INTS8: variants seen among roughly 807,000 people sequenced by gnomAD.
INTS8 encodes protein kaonashi-1.
In INTS8, 47 loss-of-function variants were observed where a neutral mutation model predicts 138.9. The observed-to-expected ratio is 0.34, with a 90% confidence interval of 0.27 to 0.43. The LOEUF is 0.43. Ranked by LOEUF, INTS8 falls within the 20% of genes least tolerant of loss-of-function variation. INTS8 has a pLI of 1.00. For synonymous variants in INTS8, 392 were observed against 400.9 expected, an observed-to-expected ratio of 0.98 and a Z score of 0.27; for missense variants, 996 against 1,173.0, an observed-to-expected ratio of 0.85 and a Z score of 2.20.
chr8:94,855,469 A>T (rs1014486227), intron 14 of INTS8, among the ~76,000 whole-genome samples: 5 of 152,238 alleles, frequency 3.3e-5, no homozygotes, highest in Non-Finnish European at 7.3e-5. Context: ...TAGACAATGC[A>T]TCATGAGACA....
chr8:94,852,789 T>C (rs1815596622), intron 13 of INTS8, among the ~76,000 whole-genome samples: 1 of 151,958 alleles, frequency 6.6e-6, no homozygotes, highest in African/African-American at 2.4e-5. Flanking sequence ...GGTTTCTCCA[T>C]GTTGTTCTCC....
chr8:94,865,750 A>C lies in INTS8; in HGVS notation c.2261+60A>C, dbSNP rs745886809. ...AGTTCTTAATATTTATCCTATTTATACTATTAACCTATTAAAGGTTGATTT... is the reference window on the plus strand; with the variant it reads ...AGTTCTTAATATTTATCCTATTTATCCTATTAACCTATTAAAGGTTGATTT... On this transcript the variant is annotated intron_variant, in intron 17 of 26. Coordinates refer to ENST00000523731, the MANE Select transcript of INTS8 (RefSeq NM_017864.4). The C allele has an allele frequency of 1.1e-5, 16 of 1,398,690 alleles. No homozygotes were observed. In the South Asian group the frequency reaches 1.9e-4, roughly 16 times the overall value. 86.6% of individuals were successfully genotyped at this position (1,398,690 alleles called of 1,614,324 possible).
intron 18 of INTS8, 101 bp from the exon 19 acceptor site, chr8:94,867,039 C>T (rs1816202914): frequency 1.1e-6 from 1 of 909,724 alleles, no homozygotes. Flanking sequence ...TTTCAAAAGG[C>T]AAGGGTCTTT....
At chr8:94,829,940 C>A (rs1814650506) in intron 5 of INTS8, among the ~76,000 whole-genome samples, 2 of 152,112 alleles carry the variant, frequency 1.3e-5, no homozygotes, top group African/African-American at 2.4e-5. Context: ...TGCTCTGTTA[C>A]CAGGCCGGAG....
At chr8:94,847,390 A>G (rs572449388) in intron 10 of INTS8, among the ~76,000 whole-genome samples, 21 of 152,244 alleles carry the variant, frequency 1.4e-4, no homozygotes, top group Middle Eastern at 3.4e-3. Context: ...TTTGGTGTCA[A>G]GGTCATGCTT....
At chr8:94,848,793 A>C (rs762594698) in intron 10 of INTS8, among the ~76,000 whole-genome samples, 11 of 152,182 alleles carry the variant, frequency 7.2e-5, no homozygotes, top group African/African-American at 2.7e-4. Flanking sequence ...GTGTGTGTCA[A>C]CGTAAAAAAT....
chr8:94,830,138 C>T (rs919583929), intron 5 of INTS8, among the ~76,000 whole-genome samples: 5 of 152,210 alleles, frequency 3.3e-5, no homozygotes, highest in Non-Finnish European at 7.3e-5. Context: ...TCAAGTGATC[C>T]ACCCACCTTG....
intron 22 of INTS8, 33 bp from the exon 23 acceptor site, chr8:94,874,519 T>C: frequency 7.9e-7 from 1 of 1,272,740 alleles, no homozygotes; most frequent in Non-Finnish European, 1.1e-6. Flanking sequence ...TGTTAGCTGG[T>C]TTTTGAAAAT....
chr8:94,866,189 C>T lies in INTS8; in HGVS notation c.2293C>T (p.Arg765Ter), dbSNP rs1339580444. The stretch of plus-strand genomic sequence containing the variant: ...ACTGCTTTCTTTTATCAAAAAATTA[C>T]GAGTAAGTTTTATTAAAAATTGCTC... Reference protein sequence around the residue: ...SELLSFIKKLREPLVLTIILS... With the variant: ...SELLSFIKKL Residue 765 changes from arginine to a stop codon, truncating the protein, a stop_gained and splice_region_variant, in exon 18 of 27, where the codon CGA becomes TGA. Transcript: ENST00000523731. LOFTEE classifies it high-confidence loss of function. 3.8e-6 allele frequency: 5 copies of T among 1,328,336 alleles called. No homozygotes were observed. The highest frequency in any genetic ancestry group is 5.3e-6 in the Non-Finnish European group (5 of 941,176). 82.3% of individuals were successfully genotyped at this position (1,328,336 alleles called of 1,614,324 possible).
In INTS8 at chr8:94,856,907, G is replaced by T; in HGVS notation, c.1883G>T (p.Gly628Val). 1 of 1,614,124 alleles carries T rather than the reference G, an allele frequency of 6.2e-7. No individual in the cohort carries two copies. Among genetic ancestry groups the T allele is most frequent in the Non-Finnish European group, 8.5e-7 (1 of 1,180,014 alleles). Residue 628 changes from glycine to valine, a missense_variant, in exon 15 of 27, where the codon GGG becomes GTG. Coordinates refer to ENST00000523731, the MANE Select transcript of INTS8 (RefSeq NM_017864.4). ...LDIHTHEAGTGQAGERPPSDL... is the reference protein window; with the variant it reads ...LDIHTHEAGTVQAGERPPSDL... ...ATTCATACACACGAAGCTGGGACAG[G>T]GCAGGCAGGAGAGAGACCGCCATCC... is the stretch of plus-strand genomic sequence containing the variant.
intron 8 of INTS8, among the ~76,000 whole-genome samples, 167 bp downstream of exon 8, chr8:94,838,785 A>G (rs1815029412): frequency 6.6e-6 from 1 of 152,250 alleles, no homozygotes; most frequent in South Asian, 2.1e-4. Flanking sequence ...TAAGATTCTT[A>G]TGAGAATCTA....
In INTS8 at chr8:94,843,258, A is replaced by AT. The variant is rs201846666; in HGVS notation, c.1260+777dup. ...TTATTCAAGTTGTATATAAATAACA[A>AT]TTTTTTTCATTGCTTTAAGGTGTTA... On this transcript the variant is annotated intron_variant, in intron 10 of 26. Coordinates refer to ENST00000523731, the MANE Select transcript of INTS8 (RefSeq NM_017864.4). 4.6e-3 allele frequency among the ~76,000 whole-genome samples: 695 copies of AT among 152,238 alleles called. 5 individuals are homozygous for AT. The highest frequency in any genetic ancestry group is 8.7e-3 in the Admixed American group (133 of 15,278).
At chr8:94,834,755 A>G (rs1351648586) in intron 6 of INTS8, among the ~76,000 whole-genome samples, 5 of 152,144 alleles carry the variant, frequency 3.3e-5, no homozygotes, top group African/African-American at 1.2e-4. Flanking sequence ...TAAATAGTGC[A>G]AAGCAATGTT....
At chr8:94,839,939 G>C (rs1453828715) in intron 8 of INTS8, among the ~76,000 whole-genome samples, 1 of 152,116 alleles carries the variant, frequency 6.6e-6, no homozygotes, top group Non-Finnish European at 1.5e-5. Context: ...CTCTGGAGTG[G>C]TAAGACCTGT....
Position 94,827,702 on chromosome 8 carries a change from T to G in INTS8, c.447-20T>G, listed in dbSNP as rs1814560641. On this transcript the variant is annotated intron_variant, in intron 3 of 26. Coordinates refer to ENST00000523731, the MANE Select transcript of INTS8 (RefSeq NM_017864.4). ...ACATTTATAATGTATGAAATTTTCTTTTTCCTGTCTTTTCTTCAGGGCAAT... is the reference window on the plus strand; with the variant it reads ...ACATTTATAATGTATGAAATTTTCTGTTTCCTGTCTTTTCTTCAGGGCAAT... 4.4e-6 allele frequency: 7 copies of G among 1,606,320 alleles called. No individual in the cohort carries two copies. The highest frequency in any genetic ancestry group is 6.0e-6 in the Non-Finnish European group (7 of 1,173,640).
rs761127318 is a variant in INTS8, at chr8:94,851,597, T to C, written c.1552T>C (p.Leu518=). The C allele has an allele frequency of 6.3e-6, 10 of 1,598,962 alleles. No homozygotes were observed. The Admixed American group carries it at 1.6e-4, about 25-fold the overall frequency. Reference sequence around the variant, plus strand: ...TGGTCAGTTAGAGCATCAACTTATATTGTCAGTGGATCCTTGGAGGATTAG... The same window carrying C: ...TGGTCAGTTAGAGCATCAACTTATACTGTCAGTGGATCCTTGGAGGATTAG... ...NIGQLEHQLI[L]SVDPWRIRQI... Residue 518 remains leucine, a synonymous_variant, in exon 13 of 27, where the codon TTG becomes CTG. Coordinates refer to ENST00000523731, the MANE Select transcript of INTS8 (RefSeq NM_017864.4).
At chr8:94,857,557 T>A (rs1815798000) in intron 15 of INTS8, among the ~76,000 whole-genome samples, 1 of 152,186 alleles carries the variant, frequency 6.6e-6, no homozygotes, top group African/African-American at 2.4e-5. Flanking sequence ...GGAGGCCGGA[T>A]GTCTGAAGTC....
chr8:94,856,046 A>G (rs973884689), intron 14 of INTS8, among the ~76,000 whole-genome samples: 2 of 152,208 alleles, frequency 1.3e-5, no homozygotes, highest in Admixed American at 6.5e-5. Context: ...GGAATGCAAT[A>G]CTAGGTCCAA....
chr8:94,851,609 C>T lies in INTS8; in HGVS notation c.1564C>T (p.Pro522Ser), dbSNP rs201980093. The T allele has an allele frequency of 6.2e-7, 1 of 1,601,216 alleles. No homozygotes were observed. The highest frequency in any genetic ancestry group is 8.5e-7 in the Non-Finnish European group (1 of 1,174,654). The change falls in exon 13 of 27, where the codon CCT becomes TCT. Residue 522 changes from proline (P) to serine (S), a missense_variant. Physicochemically the swap from Pro to Ser is moderately conservative, Grantham distance 74. Coordinates refer to ENST00000523731, the MANE Select transcript of INTS8 (RefSeq NM_017864.4). ...GCATCAACTTATATTGTCAGTGGAT[C>T]CTTGGAGGATTAGACAAATTTTAAT... ...LEHQLILSVD[P>S]WRIRQILIEL...
Sources: allele counts gnomAD v4.1 joint callset (sites outside exome capture counted in the v4.1 genomes callset), GRCh38; gene constraint gnomAD v4.1.1; transcripts MANE v1.5; gene names NCBI Gene and HGNC (gene_info 2026-07-23, HGNC 2026-07-21).